LRRC4C: variants seen among roughly 807,000 people sequenced by gnomAD.
The protein encoded by LRRC4C is leucine-rich repeat-containing protein 4C.
In LRRC4C, 5 loss-of-function variants were observed where a neutral mutation model predicts 33.6. That is an observed-to-expected ratio of 0.15 (90% confidence interval 0.08 to 0.31). The LOEUF (loss-of-function observed/expected upper bound fraction) is 0.31. Ranked by LOEUF, LRRC4C falls within the 10% of genes least tolerant of loss-of-function variation. LRRC4C has a pLI of 1.00. For missense variants in LRRC4C, 560 were observed against 796.7 expected, an observed-to-expected ratio of 0.70 and a Z score of 3.58; for synonymous variants, 329 against 302.0, an observed-to-expected ratio of 1.09 and a Z score of -0.93.
At chr11:40,167,983 G>T (rs1193491073) in intron 5 of LRRC4C, among the ~76,000 whole-genome samples, 1 of 152,300 alleles carries the variant, frequency 6.6e-6, no homozygotes, top group East Asian at 1.9e-4. Flanking sequence ...GGCGGAGGTT[G>T]CAGTGAGCCT....
intron 1 of LRRC4C, among the ~76,000 whole-genome samples, chr11:41,210,007 G>A (rs922674559): frequency 5.9e-5 from 9 of 152,172 alleles, no homozygotes; most frequent in Non-Finnish European, 7.3e-5. Context: ...GAAACGCCAC[G>A]TGAGGATTCA....
intron 4 of LRRC4C, among the ~76,000 whole-genome samples, chr11:40,308,913 A>G (rs1590267315): frequency 6.6e-6 from 1 of 152,206 alleles, no homozygotes; most frequent in African/African-American, 2.4e-5. Flanking sequence ...ATGCATATGA[A>G]TCATCAGAAT....
At position 41,018,356 on chromosome 11, in the gene LRRC4C, C is replaced by T. The variant is rs561021359; in HGVS notation, c.-495-84633G>A. On this transcript the variant is annotated intron_variant, in intron 1 of 6. Coordinates refer to ENST00000528697, the MANE Select transcript of LRRC4C (RefSeq NM_001258419.2). ...CTTAGAGAATTTAAATTGCAAAACA[C>T]AGCTACAGAAGTGTAGATTTCTCCA... Among the ~76,000 whole-genome samples, 4 of 152,254 alleles carry T rather than the reference C, an allele frequency of 2.6e-5. 1 individual carries two copies. The South Asian group carries it at 6.2e-4, about 24-fold the overall frequency.
intron 2 of LRRC4C, among the ~76,000 whole-genome samples, chr11:40,660,094 A>G (rs1335717470): frequency 6.6e-6 from 1 of 152,140 alleles, no homozygotes; most frequent in African/African-American, 2.4e-5. Context: ...CTCCTTGTCC[A>G]CACACAGGTG....
At chr11:40,238,932 G>A (rs1302253329) in intron 5 of LRRC4C, among the ~76,000 whole-genome samples, 1 of 152,128 alleles carries the variant, frequency 6.6e-6, no homozygotes, top group Non-Finnish European at 1.5e-5. Flanking sequence ...GCCTTAAAAT[G>A]TTATCCATTA....
Position 40,920,478 on chromosome 11 carries a change from T to C in LRRC4C, c.-407+13157A>G, listed in dbSNP as rs375564589. 3.3e-5 allele frequency among the ~76,000 whole-genome samples: 5 copies of C among 152,320 alleles called. No individual in the cohort carries two copies. In the South Asian group the frequency reaches 1.0e-3, roughly 32 times the overall value. On this transcript the variant is annotated intron_variant, in intron 2 of 6. Coordinates refer to ENST00000528697, the MANE Select transcript of LRRC4C (RefSeq NM_001258419.2). ...GATATTATCTTGGTTACACACTCCC[T>C]TACATATTGGTTAATTGAGGCTCTG...
At chr11:40,658,572 A>C (rs145145011) in intron 2 of LRRC4C, among the ~76,000 whole-genome samples, 1 of 152,270 alleles carries the variant, frequency 6.6e-6, no homozygotes, top group Non-Finnish European at 1.5e-5. Context: ...GAATGAGTCT[A>C]AGTGTGGGTG....
At chr11:40,822,625 T>A (rs1175360933) in intron 2 of LRRC4C, among the ~76,000 whole-genome samples, 1 of 151,812 alleles carries the variant, frequency 6.6e-6, no homozygotes, top group Non-Finnish European at 1.5e-5. Context: ...TGCTGTAGGT[T>A]GGCTCTTCAC....
At chr11:40,427,626 G>A (rs1033571491) in intron 3 of LRRC4C, among the ~76,000 whole-genome samples, 2 of 152,110 alleles carry the variant, frequency 1.3e-5, no homozygotes, top group Admixed American at 6.5e-5. Flanking sequence ...CCAGGAATTC[G>A]AAACCAGAGT....
intron 4 of LRRC4C, among the ~76,000 whole-genome samples, chr11:40,251,181 T>G (rs1187032459): frequency 6.6e-6 from 1 of 152,178 alleles, no homozygotes; most frequent in Non-Finnish European, 1.5e-5. Context: ...GGACCATAAT[T>G]TTAGTGGTCA....
intron 6 of LRRC4C, among the ~76,000 whole-genome samples, chr11:40,118,396 A>G (rs1318961364): frequency 1.3e-5 from 2 of 152,130 alleles, no homozygotes; most frequent in East Asian, 3.9e-4. Context: ...GATGAGGAAT[A>G]GAATCCTTAC....
At chr11:40,980,010 G>T (rs1364824839) in intron 1 of LRRC4C, among the ~76,000 whole-genome samples, 1 of 152,042 alleles carries the variant, frequency 6.6e-6, no homozygotes, top group African/African-American at 2.4e-5. Context: ...TAAATATCTC[G>T]ATCACAAAAG....
intron 6 of LRRC4C, among the ~76,000 whole-genome samples, chr11:40,130,862 A>G (rs911558403): frequency 6.6e-6 from 1 of 152,126 alleles, no homozygotes. Flanking sequence ...TTTAGATTGA[A>G]ATTACCTACT....
At chr11:40,768,736 A>C (rs1253236768) in intron 2 of LRRC4C, among the ~76,000 whole-genome samples, 2 of 152,140 alleles carry the variant, frequency 1.3e-5, no homozygotes, top group Non-Finnish European at 2.9e-5. Flanking sequence ...AAGGAAAAAA[A>C]CATATGATCA....
intron 1 of LRRC4C, among the ~76,000 whole-genome samples, chr11:41,106,460 A>C (rs1270146011): frequency 6.6e-6 from 1 of 152,058 alleles, no homozygotes; most frequent in East Asian, 1.9e-4. Context: ...GAAAAAAAAA[A>C]AACTCAGAAG....
intron 1 of LRRC4C, among the ~76,000 whole-genome samples, chr11:40,964,955 C>T (rs541716106): frequency 9.2e-5 from 14 of 152,190 alleles, no homozygotes; most frequent in Non-Finnish European, 1.6e-4. Context: ...CACTGACTTC[C>T]ACAATGATTG....
intron 3 of LRRC4C, among the ~76,000 whole-genome samples, chr11:40,388,405 C>G (rs1671711478): frequency 6.6e-6 from 1 of 152,114 alleles, no homozygotes; most frequent in South Asian, 2.1e-4. Context: ...AAACTATTAC[C>G]TGGGCCAAGA....
intron 2 of LRRC4C, among the ~76,000 whole-genome samples, chr11:40,905,990 C>T (rs1213183766): frequency 6.6e-6 from 1 of 152,152 alleles, no homozygotes; most frequent in Non-Finnish European, 1.5e-5. Flanking sequence ...TAAGACTCAA[C>T]CCAGTGACAA....
At chr11:40,426,854 C>T (rs542678539) in intron 3 of LRRC4C, among the ~76,000 whole-genome samples, 45 of 152,256 alleles carry the variant, frequency 3.0e-4, no homozygotes, top group African/African-American at 8.7e-4. Context: ...ACCTTCTTTC[C>T]GTTTCCGACC....
Sources: gnomAD v4.1 joint callset for allele counts (sites outside exome capture counted in the v4.1 genomes callset) on GRCh38, gnomAD v4.1.1 for gene constraint, MANE v1.5 for transcripts, NCBI Gene and HGNC (gene_info 2026-07-23, HGNC 2026-07-21) for gene names.